The following CPAMD8 variants were observed in gnomAD, a reference collection of about 807,000 sequenced individuals.
CPAMD8 encodes the protein C3 and PZP like alpha-2-macroglobulin domain containing 8, also known as C3 and PZP-like alpha-2-macroglobulin domain-containing protein 8.
In CPAMD8, 146 loss-of-function variants were observed where a neutral mutation model predicts 224.7. The ratio of observed to expected loss-of-function variants is 0.65; its 90% CI spans 0.57 to 0.75. The LOEUF (loss-of-function observed/expected upper bound fraction) is 0.75. CPAMD8 is among the 30% of genes least tolerant of loss of function. The pLI is 0.00. For missense variants in CPAMD8, 2,301 were observed against 2,537.5 expected (o/e 0.91, Z 2.00); for synonymous variants, 966 against 1,044.6 (o/e 0.92, Z 1.45).
At chr19:16,915,514 T>C (rs1010488146) in intron 27 of CPAMD8, among the ~76,000 whole-genome samples, 1 of 152,184 alleles carries the variant, frequency 6.6e-6, no homozygotes, top group African/African-American at 2.4e-5. Flanking sequence ...CCGTTTTCTG[T>C]TGTTTTCAGC....
chr19:16,928,819 T>C, intron 24 of CPAMD8, 123 bp downstream of exon 24: 1 of 705,432 alleles, frequency 1.4e-6, no homozygotes, highest in East Asian at 2.7e-5. Context: ...CAACTTGAGG[T>C]GGTGCTCCAT....
At chr19:17,022,940 C>G (rs550863740) in intron 1 of CPAMD8, among the ~76,000 whole-genome samples, 7 of 152,098 alleles carry the variant, frequency 4.6e-5, no homozygotes, top group Non-Finnish European at 1.0e-4. Context: ...ACATCAGCCC[C>G]ATTTAGAAAG....
chr19:16,982,156 G>A (rs1302490878), intron 13 of CPAMD8, among the ~76,000 whole-genome samples: 2 of 152,136 alleles, frequency 1.3e-5, no homozygotes, highest in Non-Finnish European at 2.9e-5. Context: ...CACATTGAGA[G>A]GCCGAGGCGA....
At chr19:16,914,543 TC>T in intron 28 of CPAMD8, 45 bp from the exon 29 acceptor site, 2 of 1,610,782 alleles carry the variant, frequency 1.2e-6, no homozygotes, top group South Asian at 1.1e-5. Context: ...AAGGAGACAG[TC>T]CACTTCCCCC....
At chr19:16,977,250 C>T in intron 15 of CPAMD8, 118 bp downstream of exon 15, 1 of 689,448 alleles carries the variant, frequency 1.5e-6, no homozygotes, top group Non-Finnish European at 2.5e-6. Context: ...CCCATAATTC[C>T]TTACATCATG....
At chr19:16,983,125 G>A (rs1481678987) in intron 13 of CPAMD8, among the ~76,000 whole-genome samples, 1 of 152,126 alleles carries the variant, frequency 6.6e-6, no homozygotes, top group Non-Finnish European at 1.5e-5. Flanking sequence ...TTTTCTGGCT[G>A]GGCATGGTGG....
chr19:17,017,233 C>T (rs538162774), intron 3 of CPAMD8, among the ~76,000 whole-genome samples: 3 of 152,164 alleles, frequency 2.0e-5, no homozygotes, highest in African/African-American at 4.8e-5. Flanking sequence ...CTCACATCAC[C>T]CCCAGGTGGG....
At chr19:16,993,289 G>T in intron 12 of CPAMD8, 127 bp downstream of exon 12, 1 of 703,640 alleles carries the variant, frequency 1.4e-6, no homozygotes, top group Non-Finnish European at 2.4e-6. Flanking sequence ...CTGTCTAGTG[G>T]AATGTGTACT....
At chr19:16,939,600 C>T (rs2053817881) in intron 22 of CPAMD8, among the ~76,000 whole-genome samples, 1 of 152,158 alleles carries the variant, frequency 6.6e-6, no homozygotes, top group Non-Finnish European at 1.5e-5. Flanking sequence ...CCAGGAAGTG[C>T]TTCTGCAAGA....
chr19:16,965,128 C>T lies in CPAMD8; in HGVS notation c.2213+5763G>A, dbSNP rs555768918. On this transcript the variant is annotated intron_variant, in intron 18 of 41. Transcript: ENST00000443236. ...ACAAAAAATTAGCCGGGCATAGTGG[C>T]GGGCGCCTGTAGTCCCAGCTACTCA... 3.3e-5 allele frequency among the ~76,000 whole-genome samples: 5 copies of T among 151,864 alleles called. No homozygotes were observed. In the East Asian group the frequency reaches 5.8e-4, roughly 18 times the overall value.
chr19:16,967,296 ACCTG>A (rs2054858908), intron 18 of CPAMD8, among the ~76,000 whole-genome samples: 1 of 125,586 alleles, frequency 8.0e-6, no homozygotes, highest in African/African-American at 3.0e-5. Context: ...CAATGAGAAC[ACCTG>A]GACACAGGGC....
intron 26 of CPAMD8, among the ~76,000 whole-genome samples, chr19:16,923,317 GATGAGTTTGGACC>G (rs1205303151): frequency 6.6e-6 from 1 of 152,220 alleles, no homozygotes; most frequent in Non-Finnish European, 1.5e-5. Flanking sequence ...AGTGTGCAAT[GATGAGTTTGGACC>G]CAGTGGCGGC....
chr19:17,022,494 C>CT (rs77770067), intron 1 of CPAMD8, among the ~76,000 whole-genome samples: 3,475 of 145,412 alleles, frequency 0.024, 136 homozygotes, highest in African/African-American at 0.08. Context: ...GCCCCAGGAC[C>CT]TTTTTTTTTT....
At chr19:16,963,744 T>C (rs1201219380) in intron 18 of CPAMD8, among the ~76,000 whole-genome samples, 1 of 152,138 alleles carries the variant, frequency 6.6e-6, no homozygotes, top group East Asian at 1.9e-4. Flanking sequence ...ATATACATTC[T>C]TCTCAGCATC....
At chr19:17,001,591 G>A (rs57306812) in intron 9 of CPAMD8, among the ~76,000 whole-genome samples, 36,014 of 151,620 alleles carry the variant, frequency 0.24, 4,672 homozygotes, top group African/African-American at 0.34. Flanking sequence ...GAGAGACAGG[G>A]GCGTGCTCAT....
chr19:16,892,969 C>T lies in CPAMD8; in HGVS notation c.*139G>A, dbSNP rs781144046. 10 of 765,576 alleles carry T rather than the reference C, an allele frequency of 1.3e-5. No homozygotes were observed. The highest frequency in any genetic ancestry group is 1.2e-4 in the East Asian group (5 of 41,156). The allele number at this position is 765,576 out of a possible 1,614,324, so 47.4% of individuals were successfully genotyped here. The stretch of plus-strand genomic sequence containing the variant: ...CAGAACATGTGAGTAAGATCAGTAA[C>T]GTGTATTCTTGTCAATATCCTGGAG... On this transcript the variant is annotated 3_prime_UTR_variant, in exon 42 of 42. Transcript: ENST00000443236.
chr19:16,904,193 C>A, intron 32 of CPAMD8, 33 bp downstream of exon 32: 2 of 1,487,772 alleles, frequency 1.3e-6, no homozygotes, highest in Non-Finnish European at 1.8e-6. Context: ...CCACCCAGCC[C>A]TGAGCCCCTC....
chr19:16,948,188 C>G (rs960802719), intron 20 of CPAMD8, among the ~76,000 whole-genome samples: 1 of 152,234 alleles, frequency 6.6e-6, no homozygotes, highest in African/African-American at 2.4e-5. Context: ...GGAGCACCTA[C>G]TGGGTGCCCC....
chr19:16,971,442 G>A (rs2055059348), intron 17 of CPAMD8, among the ~76,000 whole-genome samples: 1 of 152,164 alleles, frequency 6.6e-6, no homozygotes, highest in African/African-American at 2.4e-5. Context: ...GGAGAAGAGA[G>A]AACAGCACAT....
Sources: allele counts gnomAD v4.1 joint callset (sites outside exome capture counted in the v4.1 genomes callset), GRCh38; gene constraint gnomAD v4.1.1; transcripts MANE v1.5; gene names NCBI Gene and HGNC (gene_info 2026-07-23, HGNC 2026-07-21).